EIF4G3: variants seen among roughly 807,000 people sequenced by gnomAD.
EIF4G3 encodes eukaryotic translation initiation factor 4 gamma 3.
In EIF4G3, 34 loss-of-function variants were observed where a neutral mutation model predicts 186.4. The observed-to-expected ratio is 0.18, with a 90% CI of 0.14 to 0.24. The LOEUF (loss-of-function observed/expected upper bound fraction) is 0.24. Ranked by LOEUF, EIF4G3 falls within the 10% of genes least tolerant of loss-of-function variation. The pLI is 1.00. For missense variants in EIF4G3, 1,536 were observed against 1,948.5 expected (o/e 0.79, Z 3.99); for synonymous variants, 673 against 679.5 (o/e 0.99, Z 0.15).
intron 4 of EIF4G3, among the ~76,000 whole-genome samples, chr1:21,046,105 C>T (rs2093871678): frequency 6.6e-6 from 1 of 152,312 alleles, no homozygotes; most frequent in Middle Eastern, 3.4e-3. Context: ...TGCAATCTGC[C>T]ACCAAAAGGT....
intron 2 of EIF4G3, among the ~76,000 whole-genome samples, chr1:21,123,803 C>T (rs2096971631): frequency 6.6e-6 from 1 of 151,998 alleles, no homozygotes; most frequent in Admixed American, 6.6e-5. Context: ...ATACACAAAC[C>T]TTATCCAGTG....
chr1:21,008,236 T>G (rs1323299116), intron 4 of EIF4G3, among the ~76,000 whole-genome samples: 1 of 152,250 alleles, frequency 6.6e-6, no homozygotes, highest in Non-Finnish European at 1.5e-5. Context: ...AAAAATTAAA[T>G]CAACAGCATT....
chr1:21,019,516 T>A (rs1235768108), intron 4 of EIF4G3, among the ~76,000 whole-genome samples: 1 of 152,226 alleles, frequency 6.6e-6, no homozygotes, highest in Non-Finnish European at 1.5e-5. Context: ...GCCTTTTTTA[T>A]GTTTCAGTGA....
chr1:20,941,022 T>C (rs1254245220), intron 14 of EIF4G3, among the ~76,000 whole-genome samples: 1 of 152,234 alleles, frequency 6.6e-6, no homozygotes, highest in Admixed American at 6.5e-5. Context: ...CCTTTGATGT[T>C]CTGATTGCTA....
chr1:20,886,460 G>A, intron 18 of EIF4G3, 89 bp from the exon 19 acceptor site: 1 of 1,289,950 alleles, frequency 7.8e-7, no homozygotes, highest in Non-Finnish European at 1.1e-6. Flanking sequence ...ACTACGCCAA[G>A]CAATGCTAGA....
intron 2 of EIF4G3, among the ~76,000 whole-genome samples, chr1:21,101,501 T>G (rs1361201976): frequency 1.5e-5 from 2 of 132,536 alleles, no homozygotes; most frequent in Non-Finnish European, 3.1e-5. Context: ...ACCCAGGAGG[T>G]AGAGGTTGCA....
chr1:20,961,508 A>G (rs2096569221), intron 12 of EIF4G3, among the ~76,000 whole-genome samples: 1 of 152,236 alleles, frequency 6.6e-6, no homozygotes, highest in Admixed American at 6.5e-5. Flanking sequence ...TGCTAGGAGC[A>G]TTTGAATTCT....
At chr1:20,980,216 G>A in intron 10 of EIF4G3, 118 bp downstream of exon 10, 1 of 674,860 alleles carries the variant, frequency 1.5e-6, no homozygotes, top group Non-Finnish European at 2.5e-6. Context: ...ACTGTTAGCA[G>A]CATGTTATTT....
intron 2 of EIF4G3, among the ~76,000 whole-genome samples, chr1:21,103,409 T>TA (rs1251558389): frequency 4.6e-5 from 7 of 152,324 alleles, no homozygotes; most frequent in East Asian, 1.9e-4. Context: ...TTAAGAGAAC[T>TA]GTAAAAATAA....
chr1:20,909,394 C>T (rs2092810145), intron 14 of EIF4G3, among the ~76,000 whole-genome samples: 1 of 152,106 alleles, frequency 6.6e-6, no homozygotes, highest in Non-Finnish European at 1.5e-5. Context: ...AAATGTTACA[C>T]AGTAAGTACA....
chr1:20,904,825 A>C, intron 15 of EIF4G3, 58 bp downstream of exon 15: 1 of 1,339,958 alleles, frequency 7.5e-7, no homozygotes, highest in South Asian at 1.2e-5. Context: ...GTATAAACAC[A>C]TACCTGTCTA....
intron 3 of EIF4G3, among the ~76,000 whole-genome samples, chr1:21,053,703 C>A (rs1228429435): frequency 6.7e-6 from 1 of 148,668 alleles, no homozygotes; most frequent in African/African-American, 2.5e-5. Context: ...GCCAGCCGCC[C>A]CGTCCGGGAA....
chr1:21,107,839 C>A (rs561995304), intron 2 of EIF4G3, among the ~76,000 whole-genome samples: 1 of 152,282 alleles, frequency 6.6e-6, no homozygotes, highest in South Asian at 2.1e-4. Context: ...CCACCATGCC[C>A]AGCTTATACA....
Position 20,864,803 on chromosome 1 carries a change from G to A in EIF4G3, c.2770-91C>T, listed in dbSNP as rs961540007. ...ATTCATGGGGTCAGAATCCCCGTGA[G>A]AATCTGATAGCAAGTGTAGAATCTA... On this transcript the variant is annotated intron_variant, in intron 21 of 36. Coordinates refer to ENST00000602326, the MANE Select transcript of EIF4G3 (RefSeq NM_001391906.1). 9 of 1,099,096 alleles carry A rather than the reference G, an allele frequency of 8.2e-6. No homozygotes were observed. The African/African-American group carries it at 1.2e-4, about 15-fold the overall frequency. 68.1% of individuals were successfully genotyped at this position (1,099,096 alleles called of 1,614,324 possible). A position where few individuals can be genotyped will look rare whatever the true frequency, so the allele number is the denominator to read the frequency against.
At chr1:21,022,295 T>A (rs1030898364) in intron 4 of EIF4G3, among the ~76,000 whole-genome samples, 2 of 152,224 alleles carry the variant, frequency 1.3e-5, no homozygotes, top group African/African-American at 2.4e-5. Flanking sequence ...GATTTTTCTA[T>A]CTGATTATGC....
intron 29 of EIF4G3, among the ~76,000 whole-genome samples, chr1:20,844,933 T>C (rs922406047): frequency 2.0e-5 from 3 of 152,184 alleles, no homozygotes; most frequent in African/African-American, 4.8e-5. Flanking sequence ...TTTATTCTGT[T>C]GATTGATAGT....
chr1:20,990,553 T>A (rs2080854487), intron 7 of EIF4G3, among the ~76,000 whole-genome samples: 1 of 152,014 alleles, frequency 6.6e-6, no homozygotes, highest in South Asian at 2.1e-4. Context: ...ATGCCTGTAA[T>A]CTCAGCTACT....
chr1:20,907,873 T>TAGC (rs916890534), intron 14 of EIF4G3, among the ~76,000 whole-genome samples: 3 of 152,170 alleles, frequency 2.0e-5, no homozygotes, highest in Admixed American at 2.0e-4. Flanking sequence ...TGTGTCTTTA[T>TAGC]AGCAGCATGA....
At chr1:21,125,767 T>TACAC (rs1460443365) in intron 2 of EIF4G3, among the ~76,000 whole-genome samples, 1 of 120,758 alleles carries the variant, frequency 8.3e-6, no homozygotes, top group South Asian at 2.4e-4. Flanking sequence ...TTTTTATATA[T>TACAC]ATATACACAC....
Sources: allele counts gnomAD v4.1 joint callset (sites outside exome capture counted in the v4.1 genomes callset), GRCh38; gene constraint gnomAD v4.1.1; transcripts MANE v1.5; gene names NCBI Gene and HGNC (gene_info 2026-07-23, HGNC 2026-07-21).